MED27: variants seen among roughly 807,000 people sequenced by gnomAD.
MED27 encodes mediator complex subunit 27, also known as mediator of RNA polymerase II transcription subunit 27.
Under a neutral mutation model 38.2 loss-of-function variants are expected in MED27, and 30 were observed. The ratio of observed to expected loss-of-function variants is 0.79; its 90% CI spans 0.59 to 1.07. The LOEUF (loss-of-function observed/expected upper bound fraction) is 1.07, where lower values mean the gene tolerates loss of function less well. Ranked by LOEUF, MED27 falls within the 50% of genes least tolerant of loss-of-function variation. MED27 has a pLI of 0.00. For synonymous variants in MED27, 122 were observed against 153.5 expected (o/e 0.79, Z 1.52); for missense variants, 289 against 397.5 (o/e 0.73, Z 2.32).
chr9:131,863,866 A>C (rs1838693410), intron 6 of MED27, among the ~76,000 whole-genome samples: 1 of 152,178 alleles, frequency 6.6e-6, no homozygotes, highest in South Asian at 2.1e-4. Flanking sequence ...GTTTATCAGC[A>C]AGGCCAAGGG....
At chr9:131,920,908 A>G (rs1830378997) in intron 4 of MED27, among the ~76,000 whole-genome samples, 1 of 152,146 alleles carries the variant, frequency 6.6e-6, no homozygotes, top group Admixed American at 6.5e-5. Context: ...TTTTCCCTAT[A>G]AAAGGCTCTG....
At chr9:131,953,093 C>T (rs115383290) in intron 3 of MED27, among the ~76,000 whole-genome samples, 2,989 of 152,328 alleles carry the variant, frequency 0.02, 103 homozygotes, top group African/African-American at 0.067. Context: ...TTTACATGCG[C>T]TCTGCTTAAC....
At chr9:131,939,789 C>G (rs1219387497) in intron 3 of MED27, among the ~76,000 whole-genome samples, 1 of 152,174 alleles carries the variant, frequency 6.6e-6, no homozygotes, top group African/African-American at 2.4e-5. Flanking sequence ...TCCTTCCAGT[C>G]CAGGATGGCA....
intron 4 of MED27, among the ~76,000 whole-genome samples, chr9:131,915,477 G>A (rs1830272697): frequency 6.6e-6 from 1 of 152,108 alleles, no homozygotes; most frequent in African/African-American, 2.4e-5. Flanking sequence ...AAGATGGGGA[G>A]GGGGAAAAGA....
chr9:131,964,397 GCT>G, intron 3 of MED27, among the ~76,000 whole-genome samples: 2 of 133,572 alleles, frequency 1.5e-5, no homozygotes, highest in Non-Finnish European at 1.7e-5. Flanking sequence ...TGGTGGTGAT[GCT>G]GGAGGTGATA....
At chr9:132,016,112 C>T (rs553093579) in intron 2 of MED27, among the ~76,000 whole-genome samples, 146 of 152,270 alleles carry the variant, frequency 9.6e-4, no homozygotes, top group Non-Finnish European at 1.8e-3. Context: ...ATAAAAGGGG[C>T]TGGGCCTTGG....
intron 1 of MED27, 58 bp downstream of exon 1, chr9:132,079,584 A>G: frequency 6.5e-7 from 1 of 1,534,084 alleles, no homozygotes; most frequent in Non-Finnish European, 9.0e-7. Context: ...CGAGCGACGT[A>G]GGGGCAGGGT....
chr9:132,007,471 A>G (rs948063578), intron 3 of MED27, among the ~76,000 whole-genome samples: 12 of 152,210 alleles, frequency 7.9e-5, no homozygotes, highest in African/African-American at 2.9e-4. Flanking sequence ...GCATGACTCC[A>G]CTTATACAGA....
intron 4 of MED27, among the ~76,000 whole-genome samples, chr9:131,930,069 T>G (rs1830556482): frequency 6.6e-6 from 1 of 151,916 alleles, no homozygotes; most frequent in South Asian, 2.1e-4. Context: ...TGGGAGAAAG[T>G]AAGGGAAGAG....
chr9:132,062,974 G>A (rs1833732112), intron 2 of MED27, among the ~76,000 whole-genome samples: 1 of 152,156 alleles, frequency 6.6e-6, no homozygotes, highest in Admixed American at 6.5e-5. Context: ...ATTCTGAAAG[G>A]TCACTCTGAC....
Position 132,014,439 on chromosome 9 carries a change from C to A in MED27, c.377G>T (p.Gly126Val). The change falls in exon 3 of 8, where the codon GGC (glycine) becomes GTC (valine). Residue 126 changes from glycine (G) to valine (V), a missense_variant. Physicochemically the swap from Gly to Val is moderately radical, Grantham distance 109. Transcript: ENST00000292035. ...KLQYHAGLASGLLNQQSLKRS... is the reference protein window; with the variant it reads ...KLQYHAGLASVLLNQQSLKRS... ...CTTCAATGACTGCTGATTTAAAAGG[C>A]CAGATGCTAGTCCTGCATGGTACTG... The A allele has an allele frequency of 6.2e-7, 1 of 1,614,030 alleles. No homozygotes were observed. The highest frequency in any genetic ancestry group is 8.5e-7 in the Non-Finnish European group (1 of 1,179,962).
intron 3 of MED27, among the ~76,000 whole-genome samples, chr9:131,949,651 A>C (rs940877300): frequency 6.6e-6 from 1 of 152,190 alleles, no homozygotes; most frequent in Non-Finnish European, 1.5e-5. Flanking sequence ...GAAATCTTTT[A>C]GTAGTGTAGT....
intron 3 of MED27, among the ~76,000 whole-genome samples, chr9:131,967,494 T>C (rs1831374568): frequency 6.6e-6 from 1 of 152,098 alleles, no homozygotes; most frequent in South Asian, 2.1e-4. Context: ...TCTTTTTTTT[T>C]TTTTTTTAAG....
At chr9:132,031,224 G>A (rs909697582) in intron 2 of MED27, among the ~76,000 whole-genome samples, 1 of 152,226 alleles carries the variant, frequency 6.6e-6, no homozygotes, top group East Asian at 1.9e-4. Flanking sequence ...AGGGACAGCT[G>A]AAAACAGGTG....
At chr9:131,894,815 G>A (rs1383717127) in intron 4 of MED27, among the ~76,000 whole-genome samples, 1 of 152,076 alleles carries the variant, frequency 6.6e-6, no homozygotes, top group Non-Finnish European at 1.5e-5. Flanking sequence ...GTGGTGTTGG[G>A]AGGTGGGGCC....
intron 2 of MED27, among the ~76,000 whole-genome samples, chr9:132,019,726 G>C (rs1832679209): frequency 6.6e-6 from 1 of 152,218 alleles, no homozygotes. Context: ...TGCCTTAATA[G>C]CTCTGTCCCG....
intron 2 of MED27, among the ~76,000 whole-genome samples, chr9:132,033,772 C>A (rs1396184616): frequency 6.6e-6 from 1 of 152,196 alleles, no homozygotes; most frequent in Non-Finnish European, 1.5e-5. Flanking sequence ...GATTCTATTT[C>A]GCATAAAGGT....
At chr9:131,869,269 C>G (rs2131456308) in intron 6 of MED27, 2 of 985,416 alleles carry the variant, frequency 2.0e-6, no homozygotes, top group East Asian at 2.3e-4. Context: ...GAGAACTTCA[C>G]CTACAGTGAT....
At chr9:131,987,849 A>C (rs1376699546) in intron 3 of MED27, among the ~76,000 whole-genome samples, 1 of 152,222 alleles carries the variant, frequency 6.6e-6, no homozygotes, top group East Asian at 1.9e-4. Context: ...GTCAAGTAGG[A>C]ATCAGGACAC....
Sources: gnomAD v4.1 joint callset for allele counts (sites outside exome capture counted in the v4.1 genomes callset) on GRCh38, gnomAD v4.1.1 for gene constraint, MANE v1.5 for transcripts, NCBI Gene and HGNC (gene_info 2026-07-23, HGNC 2026-07-21) for gene names.